TMED5: variants seen among roughly 807,000 people sequenced by gnomAD.
TMED5 encodes the protein transmembrane p24 trafficking protein 5.
A neutral mutation model predicts 23.0 loss-of-function variants in TMED5; 27 were observed. The ratio of observed to expected loss-of-function variants is 1.17; its 90% CI spans 0.86 to 1.62. The LOEUF (loss-of-function observed/expected upper bound fraction) is 1.62, where lower values mean the gene tolerates loss of function less well. Ranked by LOEUF, TMED5 falls within the 40% of genes most tolerant of loss-of-function variation. TMED5 has a pLI of 0.00. For synonymous variants in TMED5, 97 were observed against 100.8 expected (o/e 0.96, Z 0.23); for missense variants, 248 against 273.7 (o/e 0.91, Z 0.66).
At chr1:93,173,248 C>A (rs1225094708) in intron 1 of TMED5, among the ~76,000 whole-genome samples, 1 of 152,034 alleles carries the variant, frequency 6.6e-6, no homozygotes, top group Non-Finnish European at 1.5e-5. Context: ...GTTAATTAGC[C>A]TGATTTAATC....
At chr1:93,174,063 T>G (rs1218123257) in intron 1 of TMED5, among the ~76,000 whole-genome samples, 1 of 152,154 alleles carries the variant, frequency 6.6e-6, no homozygotes, top group Non-Finnish European at 1.5e-5. Flanking sequence ...GTTCAAGTGA[T>G]TCTCCTGCCT....
intron 1 of TMED5, among the ~76,000 whole-genome samples, chr1:93,166,611 A>G (rs950587257): frequency 4.8e-5 from 7 of 147,014 alleles, no homozygotes; most frequent in African/African-American, 7.4e-5. Flanking sequence ...AAATTAGATT[A>G]GATTTTTTTT....
chr1:93,163,805 G>GTC (rs1648382857), intron 1 of TMED5, among the ~76,000 whole-genome samples: 1 of 151,010 alleles, frequency 6.6e-6, no homozygotes, highest in Admixed American at 6.6e-5. Context: ...GTGAAACCCT[G>GTC]TCTCTAATAA....
chr1:93,157,944 G>A (rs1392471015), intron 2 of TMED5, among the ~76,000 whole-genome samples: 2 of 151,952 alleles, frequency 1.3e-5, no homozygotes, highest in Non-Finnish European at 2.9e-5. Flanking sequence ...CTAACACGGT[G>A]AAACCCCGTC....
intron 1 of TMED5, among the ~76,000 whole-genome samples, chr1:93,178,518 TATTAA>T (rs1378089152): frequency 1.3e-5 from 2 of 152,198 alleles, no homozygotes; most frequent in African/African-American, 4.8e-5. Flanking sequence ...CAGTAACCTT[TATTAA>T]GCTCTTTGAG....
chr1:93,166,014 A>G (rs1648493016), intron 1 of TMED5, among the ~76,000 whole-genome samples: 1 of 152,084 alleles, frequency 6.6e-6, no homozygotes, highest in Non-Finnish European at 1.5e-5. Flanking sequence ...AGAACGTGAT[A>G]TTTGTCTTTC....
In TMED5 at chr1:93,152,690, G is replaced by C. The variant is rs1441683866; in HGVS notation, c.*1980C>G. On this transcript the variant is annotated 3_prime_UTR_variant, in exon 4 of 4. Coordinates refer to ENST00000370282, the MANE Select transcript of TMED5 (RefSeq NM_016040.5). ...GTACAGTAACAGCCATACAGGAGAGGTAGAATTCTTAATCACAGTTTTATA... is the reference window on the plus strand; with the variant it reads ...GTACAGTAACAGCCATACAGGAGAGCTAGAATTCTTAATCACAGTTTTATA... The C allele has an allele frequency of 6.5e-6, 1 of 152,696 alleles. No homozygotes were observed. The highest frequency in any genetic ancestry group is 1.5e-5 in the Non-Finnish European group (1 of 67,992). 9.5% of individuals were successfully genotyped at this position (152,696 alleles called of 1,614,324 possible). A position where few individuals can be genotyped will look rare whatever the true frequency, so the allele number is the denominator to read the frequency against.
At chr1:93,169,774 G>A (rs2783493) in intron 1 of TMED5, among the ~76,000 whole-genome samples, 14,468 of 151,964 alleles carry the variant, frequency 0.095, 956 homozygotes, top group East Asian at 0.28. Flanking sequence ...ATGGCCAGGC[G>A]TGGTGGCCAA....
At chr1:93,176,449 A>T (rs987839380) in intron 1 of TMED5, among the ~76,000 whole-genome samples, 1 of 152,060 alleles carries the variant, frequency 6.6e-6, no homozygotes, top group African/African-American at 2.4e-5. Context: ...AAATATTTTG[A>T]CATGTATTTG....
rs1485031464 is a variant in TMED5 at position 93,150,169 on chromosome 1, T to C, written c.*4501A>G. 1 of 152,198 alleles carries C rather than the reference T, an allele frequency of 6.6e-6. No individual in the cohort carries two copies. The highest frequency in any genetic ancestry group is 1.5e-5 in the Non-Finnish European group (1 of 68,034). The allele number at this position is 152,198 out of a possible 1,614,324, so 9.4% of individuals were successfully genotyped here. ...TGGCAACCACGAATCTTGTTTCCCA[T>C]CTCTATAGCTTTATTATTTAAGAAT... On this transcript the variant is annotated 3_prime_UTR_variant, in exon 4 of 4. Coordinates refer to ENST00000370282, the MANE Select transcript of TMED5 (RefSeq NM_016040.5).
rs1202442230 is a variant in TMED5, at chr1:93,176,516, C to CAT, written c.189+3537_189+3538insAT. On this transcript the variant is annotated intron_variant, in intron 1 of 3. Transcript: ENST00000370282. ...TATGAGGGCACAGACTATACACACA[C>CAT]ACACACACACAAACATATATATATA... Among the ~76,000 whole-genome samples, 3 of 151,870 alleles carry CAT rather than the reference C, an allele frequency of 2.0e-5. No homozygotes were observed. In the East Asian group the frequency reaches 5.8e-4, roughly 29 times the overall value.
At chr1:93,167,352 G>A (rs574292259) in intron 1 of TMED5, among the ~76,000 whole-genome samples, 1 of 152,264 alleles carries the variant, frequency 6.6e-6, no homozygotes, top group East Asian at 1.9e-4. Context: ...ATTGCTTTGG[G>A]TAGTATGGAC....
At chr1:93,164,996 G>GGCA (rs1648439092) in intron 1 of TMED5, among the ~76,000 whole-genome samples, 1 of 152,236 alleles carries the variant, frequency 6.6e-6, no homozygotes, top group Admixed American at 6.5e-5. Context: ...ATGCGTTACA[G>GGCA]AGAGGCTCAC....
In TMED5 at chr1:93,150,245, A is replaced by G. The variant is rs1388052218; in HGVS notation, c.*4425T>C. On this transcript the variant is annotated 3_prime_UTR_variant, in exon 4 of 4. Coordinates refer to ENST00000370282, the MANE Select transcript of TMED5 (RefSeq NM_016040.5). ...TGTAAAACTTTAGGATTGTCCCCCC[A>G]AACCACCCAAGCATAATTCCCTTGA... 1.3e-5 allele frequency: 2 copies of G among 152,150 alleles called. No individual in the cohort carries two copies. Among genetic ancestry groups the G allele is most frequent in the African/African-American group, 4.8e-5 (2 of 41,420 alleles). The allele number at this position is 152,150 out of a possible 1,614,324, so 9.4% of individuals were successfully genotyped here. A position where few individuals can be genotyped will look rare whatever the true frequency, so the allele number is the denominator to read the frequency against.
rs1647918633 is a variant in TMED5, at chr1:93,152,622, T to A, written c.*2048A>T. 6.6e-6 allele frequency: 1 copy of A among 152,598 alleles called. No homozygotes were observed. 9.5% of individuals were successfully genotyped at this position (152,598 alleles called of 1,614,324 possible). A position where few individuals can be genotyped will look rare whatever the true frequency, so the allele number is the denominator to read the frequency against. On this transcript the variant is annotated 3_prime_UTR_variant, in exon 4 of 4. Transcript: ENST00000370282. ...TGGCACAAATCATACATGTAGAAGA[T>A]TATGTAACAAATTCATTGTTAGGTA...
At chr1:93,155,845 T>G (rs1440614144) in intron 3 of TMED5, among the ~76,000 whole-genome samples, 1 of 152,184 alleles carries the variant, frequency 6.6e-6, no homozygotes, top group Non-Finnish European at 1.5e-5. Context: ...AATGCATGTG[T>G]TTATAATATT....
chr1:93,164,673 T>A (rs1266341384), intron 1 of TMED5, among the ~76,000 whole-genome samples: 1 of 152,140 alleles, frequency 6.6e-6, no homozygotes, highest in East Asian at 1.9e-4. Flanking sequence ...GTGGAATGCC[T>A]GGGAGGAGGA....
At chr1:93,162,399 C>A (rs1648313278) in intron 1 of TMED5, 1 of 152,238 alleles carries the variant, frequency 6.6e-6, no homozygotes, top group African/African-American at 2.4e-5. Context: ...GAGTTTGAGA[C>A]CAGCCTGGCC....
Position 93,154,946 on chromosome 1 carries a change from T to C in TMED5, c.472-58A>G, listed in dbSNP as rs1418109642. 7.0e-6 allele frequency: 9 copies of C among 1,293,998 alleles called. No individual in the cohort carries two copies. In the Admixed American group the frequency reaches 1.0e-4, roughly 15 times the overall value. 80.2% of individuals were successfully genotyped at this position (1,293,998 alleles called of 1,614,324 possible). ...GAATGCTCAGAAATTTTAACTTAAT[T>C]AAAAAATGAGGCTGGGTGCAGTGAC... On this transcript the variant is annotated intron_variant, in intron 3 of 3. Transcript: ENST00000370282.
Sources: gnomAD v4.1 joint callset for allele counts (sites outside exome capture counted in the v4.1 genomes callset) on GRCh38, gnomAD v4.1.1 for gene constraint, MANE v1.5 for transcripts, NCBI Gene and HGNC (gene_info 2026-07-23, HGNC 2026-07-21) for gene names.